Variants in GABRA5 observed in about 807,000 individuals in gnomAD.
GABRA5 encodes gamma-aminobutyric acid type A receptor subunit alpha5, also known as gamma-aminobutyric acid receptor subunit alpha-5.
Under a neutral mutation model 47.3 loss-of-function variants are expected in GABRA5, and 18 were observed. The observed-to-expected ratio is 0.38, with a 90% CI of 0.26 to 0.56. GABRA5 has a LOEUF of 0.56. Among genes scored for constraint, GABRA5 ranks in the 20% least tolerant of loss-of-function variants. The probability of loss-of-function intolerance (pLI) is 0.71; values close to 1 mark genes in which losing one functional copy is unlikely to be tolerated. For missense variants in GABRA5, 365 were observed against 599.3 expected (o/e 0.61, Z 4.08); for synonymous variants, 237 against 229.3 (o/e 1.03, Z -0.30).
intron 7 of GABRA5, among the ~76,000 whole-genome samples, chr15:26,929,766 C>T (rs1251795103): frequency 2.0e-5 from 3 of 152,120 alleles, no homozygotes; most frequent in African/African-American, 7.2e-5. Flanking sequence ...CAGGGCAGGG[C>T]GCCTCTCCGT....
chr15:26,920,300 A>G (rs532327771), intron 7 of GABRA5, among the ~76,000 whole-genome samples: 17 of 150,528 alleles, frequency 1.1e-4, no homozygotes, highest in Non-Finnish European at 2.1e-4. Flanking sequence ...TCTCTTCTTC[A>G]TTCTTCTTCT....
intron 7 of GABRA5, among the ~76,000 whole-genome samples, chr15:26,925,702 C>T (rs552229199): frequency 8.6e-5 from 13 of 152,016 alleles, no homozygotes; most frequent in Admixed American, 3.9e-4. Flanking sequence ...GTTTCTTTTA[C>T]GTATAATAAT....
intron 10 of GABRA5, among the ~76,000 whole-genome samples, chr15:26,945,322 AT>A (rs1209282058): frequency 6.6e-6 from 1 of 152,218 alleles, no homozygotes; most frequent in Non-Finnish European, 1.5e-5. Context: ...AAACTGTTCC[AT>A]GGAAGTAGAG....
intron 10 of GABRA5, 137 bp downstream of exon 10, chr15:26,943,563 C>T (rs533868987): frequency 9.2e-6 from 7 of 764,232 alleles, no homozygotes; most frequent in East Asian, 8.1e-5. Flanking sequence ...TATTCAAGGC[C>T]CTTACCAAGT....
intron 7 of GABRA5, among the ~76,000 whole-genome samples, chr15:26,934,906 T>G (rs1281612023): frequency 6.6e-6 from 1 of 152,196 alleles, no homozygotes; most frequent in African/African-American, 2.4e-5. Context: ...GTGATGAATT[T>G]CCAAGCCCGA....
At chr15:26,899,965 A>C (rs1405949113) in intron 6 of GABRA5, among the ~76,000 whole-genome samples, 1 of 152,024 alleles carries the variant, frequency 6.6e-6, no homozygotes, top group Non-Finnish European at 1.5e-5. Context: ...CTTGTTCTAC[A>C]GTTCTTTCAT....
intron 7 of GABRA5, among the ~76,000 whole-genome samples, chr15:26,936,229 A>G (rs1048596462): frequency 6.6e-6 from 1 of 152,200 alleles, no homozygotes; most frequent in African/African-American, 2.4e-5. Context: ...TTCTTGATAA[A>G]TTACCTAGTC....
chr15:26,885,739 G>A lies in GABRA5; in HGVS notation c.497+2182G>A, dbSNP rs147062343. On this transcript the variant is annotated intron_variant, in intron 6 of 10. Coordinates refer to ENST00000335625, the MANE Select transcript of GABRA5 (RefSeq NM_000810.4). ...GCCATCAGTCCATGGAAAAAGGAAG[G>A]GTTTGGAGAGAAGCGAGTGCAGTCT... is the stretch of plus-strand genomic sequence containing the variant. 1.5e-4 allele frequency among the ~76,000 whole-genome samples: 23 copies of A among 152,260 alleles called. No individual in the cohort carries two copies. The East Asian group carries it at 2.9e-3, about 19-fold the overall frequency.
intron 6 of GABRA5, among the ~76,000 whole-genome samples, chr15:26,888,346 T>C (rs1892928587): frequency 6.6e-6 from 1 of 152,194 alleles, no homozygotes; most frequent in Non-Finnish European, 1.5e-5. Flanking sequence ...TTTCAGCAAA[T>C]GGAGTGAGCC....
intron 3 of GABRA5, among the ~76,000 whole-genome samples, chr15:26,875,202 G>A (rs1456429578): frequency 6.6e-6 from 1 of 152,232 alleles, no homozygotes; most frequent in Non-Finnish European, 1.5e-5. Flanking sequence ...GTGTCCAGGA[G>A]ACTCCTGGGG....
intron 7 of GABRA5, among the ~76,000 whole-genome samples, chr15:26,929,143 T>C (rs1282436568): frequency 6.6e-6 from 1 of 152,226 alleles, no homozygotes; most frequent in African/African-American, 2.4e-5. Context: ...CTTAGCTGAA[T>C]ATCCTCTAAA....
chr15:26,916,987 T>C (rs1893730840), intron 7 of GABRA5, among the ~76,000 whole-genome samples: 1 of 152,162 alleles, frequency 6.6e-6, no homozygotes, highest in African/African-American at 2.4e-5. Flanking sequence ...TTTTGGGTTT[T>C]CTGTATGTAA....
chr15:26,896,034 C>G (rs1452874257), intron 6 of GABRA5, among the ~76,000 whole-genome samples: 1 of 152,002 alleles, frequency 6.6e-6, no homozygotes. Context: ...ATTCTTCCTC[C>G]GGGTTATCAG....
In GABRA5 at chr15:26,932,641, A is replaced by G. The variant is rs758927524; in HGVS notation, c.581-4544A>G. 2.6e-5 allele frequency among the ~76,000 whole-genome samples: 4 copies of G among 152,352 alleles called. 1 individual carries two copies. In the South Asian group the frequency reaches 8.3e-4, roughly 32 times the overall value. ...TATATACAAAGGAATATAAATCATT[A>G]TTCTATTATAAAGATACATGCACGC... On this transcript the variant is annotated intron_variant, in intron 7 of 10. Coordinates refer to ENST00000335625, the MANE Select transcript of GABRA5 (RefSeq NM_000810.4).
chr15:26,941,578 G>C (rs118031831), intron 9 of GABRA5, among the ~76,000 whole-genome samples: 507 of 152,322 alleles, frequency 3.3e-3, no homozygotes, highest in Middle Eastern at 6.8e-3. Context: ...CCTTGGTGCT[G>C]TGCTGGTCTC....
chr15:26,941,428 A>G (rs1046195673), intron 9 of GABRA5, among the ~76,000 whole-genome samples: 1 of 152,120 alleles, frequency 6.6e-6, no homozygotes, highest in African/African-American at 2.4e-5. Context: ...ACAGTGATTA[A>G]GTGGATTTCT....
chr15:26,877,706 T>A, intron 3 of GABRA5: 1 of 454,818 alleles, frequency 2.2e-6, no homozygotes, highest in South Asian at 1.6e-5. Flanking sequence ...AAGTACCAAA[T>A]AAGGAAAATG....
chr15:26,891,465 T>C (rs974521390), intron 6 of GABRA5, among the ~76,000 whole-genome samples: 12 of 152,140 alleles, frequency 7.9e-5, no homozygotes, highest in Non-Finnish European at 1.6e-4. Context: ...AGATAGAATA[T>C]ATAGCAAGCA....
At chr15:26,881,546 ATTG>A (rs1249379082) in intron 4 of GABRA5, among the ~76,000 whole-genome samples, 3 of 152,290 alleles carry the variant, frequency 2.0e-5, no homozygotes, top group Non-Finnish European at 4.4e-5. Context: ...GCACAGCTTC[ATTG>A]TTGTGCTAAG....
Sources: allele counts gnomAD v4.1 joint callset (sites outside exome capture counted in the v4.1 genomes callset), GRCh38; gene constraint gnomAD v4.1.1; transcripts MANE v1.5; gene names NCBI Gene and HGNC (gene_info 2026-07-23, HGNC 2026-07-21).